The following DGKB variants were observed in gnomAD, a reference collection of about 807,000 sequenced individuals.
DGKB encodes the protein 90 kDa diacylglycerol kinase.
A neutral mutation model predicts 114.3 loss-of-function variants in DGKB; 67 were observed. The observed-to-expected ratio is 0.59, with a 90% CI of 0.48 to 0.72. The LOEUF (loss-of-function observed/expected upper bound fraction) is 0.72, where lower values mean the gene tolerates loss of function less well. DGKB is among the 30% of genes least tolerant of loss of function. DGKB has a pLI of 0.00. For synonymous variants in DGKB, 398 were observed against 323.1 expected (o/e 1.23, Z -2.49); for missense variants, 907 against 975.2 (o/e 0.93, Z 0.93).
chr7:14,573,504 TG>T (rs1798686130), intron 20 of DGKB, among the ~76,000 whole-genome samples: 2 of 146,204 alleles, frequency 1.4e-5, no homozygotes, highest in African/African-American at 5.2e-5. Context: ...TGTGTGTGTG[TG>T]TATGAGATGT....
At position 14,962,287 on chromosome 7, in the gene DGKB, GTATC is replaced by G. The variant is rs371991708; in HGVS notation, c.-188+12405_-188+12408del. Among the ~76,000 whole-genome samples the G allele has an allele frequency of 4.6e-3, 695 of 152,210 alleles. 6 individuals carry two copies. The highest frequency in any genetic ancestry group is 0.016 in the African/African-American group (669 of 41,564). ...GGTAATTTTCAGTGTGAGAATGGCT[GTATC>G]TATTTGCATTTTTTACTTCAGCAAC... On this transcript the variant is annotated intron_variant, in intron 1 of 4. Transcript: ENST00000437998.
At chr7:14,588,810 C>T (rs6951414) in intron 17 of DGKB, among the ~76,000 whole-genome samples, 75,260 of 151,814 alleles carry the variant, frequency 0.5, 18,815 homozygotes, top group African/African-American at 0.54. Flanking sequence ...GCAATTACTA[C>T]AGCTTTCCAG....
At chr7:14,897,477 A>G (rs971097933) in intron 1 of DGKB, among the ~76,000 whole-genome samples, 1 of 151,866 alleles carries the variant, frequency 6.6e-6, no homozygotes, top group African/African-American at 2.4e-5. Flanking sequence ...TTTAAGAAAC[A>G]ATTAAAAATC....
At chr7:14,654,311 A>G (rs1465002039) in intron 13 of DGKB, among the ~76,000 whole-genome samples, 1 of 152,084 alleles carries the variant, frequency 6.6e-6, no homozygotes, top group African/African-American at 2.4e-5. Flanking sequence ...ATAATAAAAT[A>G]CTTAGGAATA....
In DGKB at chr7:14,388,200, C is replaced by A. The variant is rs1190970496; in HGVS notation, c.1836-42809G>T. Among the ~76,000 whole-genome samples the A allele has an allele frequency of 7.0e-5, 10 of 142,156 alleles. No individual in the cohort carries two copies. In the East Asian group the frequency reaches 8.1e-4, roughly 12 times the overall value. 93.3% of individuals were successfully genotyped at this position (142,156 alleles called of 152,430 possible). On this transcript the variant is annotated intron_variant, in intron 21 of 25. Coordinates refer to ENST00000402815, the MANE Select transcript of DGKB (RefSeq NM_001350709.2). ...TCTCACTGCTAGAAAATGGTGGTGC[C>A]ATAATTTGGAAAAAAAAAAAAATCT...
At chr7:14,710,929 T>C (rs1827254433) in intron 6 of DGKB, among the ~76,000 whole-genome samples, 1 of 152,036 alleles carries the variant, frequency 6.6e-6, no homozygotes. Context: ...TCCTTTCTGC[T>C]TGTTATCTGG....
chr7:14,826,059 G>A (rs1845667508), intron 2 of DGKB, among the ~76,000 whole-genome samples: 1 of 152,114 alleles, frequency 6.6e-6, no homozygotes, highest in African/African-American at 2.4e-5. Context: ...ATTTGATTTT[G>A]CCTACATCGC....
intron 23 of DGKB, among the ~76,000 whole-genome samples, chr7:14,287,877 G>A (rs1801123180): frequency 6.6e-6 from 1 of 152,148 alleles, no homozygotes; most frequent in Non-Finnish European, 1.5e-5. Flanking sequence ...AGAAGTCATT[G>A]TGAAGTTTAT....
At chr7:14,500,470 C>A (rs1461678375) in intron 20 of DGKB, among the ~76,000 whole-genome samples, 2 of 141,520 alleles carry the variant, frequency 1.4e-5, no homozygotes, top group South Asian at 2.1e-4. Flanking sequence ...TAAAAAGTTT[C>A]TTTATTTTTT....
intron 21 of DGKB, among the ~76,000 whole-genome samples, chr7:14,470,850 G>A (rs1347535998): frequency 1.3e-5 from 2 of 151,552 alleles, no homozygotes; most frequent in Admixed American, 6.6e-5. Context: ...TCATCATGAT[G>A]TAAGACAATT....
At chr7:14,454,602 T>C (rs192608350) in intron 21 of DGKB, among the ~76,000 whole-genome samples, 139 of 152,232 alleles carry the variant, frequency 9.1e-4, no homozygotes, top group African/African-American at 3.2e-3. Flanking sequence ...TCATATATGA[T>C]TGCTATCAGA....
At chr7:14,912,105 G>C (rs1018690119) in intron 1 of DGKB, among the ~76,000 whole-genome samples, 1 of 152,002 alleles carries the variant, frequency 6.6e-6, no homozygotes, top group Non-Finnish European at 1.5e-5. Context: ...ATAAATAGAG[G>C]CAACTTTGTT....
chr7:14,974,189 A>C (rs1587487894), intron 1 of DGKB, among the ~76,000 whole-genome samples: 2 of 151,990 alleles, frequency 1.3e-5, no homozygotes, highest in Admixed American at 1.3e-4. Context: ...TAAATAACCC[A>C]AAAATACTGG....
chr7:14,623,646 T>C (rs1808047642), intron 14 of DGKB, among the ~76,000 whole-genome samples: 1 of 152,174 alleles, frequency 6.6e-6, no homozygotes, highest in Admixed American at 6.6e-5. Context: ...GAATATATTT[T>C]GTGTGTGGCT....
intron 1 of DGKB, among the ~76,000 whole-genome samples, chr7:14,971,714 A>T (rs753836367): frequency 6.6e-6 from 1 of 152,140 alleles, no homozygotes; most frequent in South Asian, 2.1e-4. Flanking sequence ...ATTTTTTTCA[A>T]AAAGTCACAG....
intron 25 of DGKB, among the ~76,000 whole-genome samples, chr7:14,173,834 C>A: frequency 6.6e-6 from 1 of 152,066 alleles, no homozygotes; most frequent in East Asian, 1.9e-4. Context: ...TCTTGGCCTA[C>A]TGTAAGCTGC....
chr7:14,786,160 A>ACG (rs1839867559), intron 2 of DGKB, among the ~76,000 whole-genome samples: 2 of 151,022 alleles, frequency 1.3e-5, no homozygotes, highest in African/African-American at 2.5e-5. Context: ...ACACACACAC[A>ACG]CACGCACACA....
intron 9 of DGKB, 54 bp downstream of exon 9, chr7:14,694,021 T>TAG: frequency 6.5e-7 from 1 of 1,541,534 alleles, no homozygotes; most frequent in South Asian, 1.2e-5. Flanking sequence ...AAATGTGTAA[T>TAG]AGAGAGCCCC....
chr7:14,419,868 G>A (rs1385846415), intron 21 of DGKB, among the ~76,000 whole-genome samples: 4 of 151,992 alleles, frequency 2.6e-5, no homozygotes, highest in Non-Finnish European at 5.9e-5. Context: ...ATGGTCCATG[G>A]ATTTCCAAAG....
Sources: allele counts gnomAD v4.1 joint callset (sites outside exome capture counted in the v4.1 genomes callset), GRCh38; gene constraint gnomAD v4.1.1; transcripts MANE v1.5; gene names NCBI Gene and HGNC (gene_info 2026-07-23, HGNC 2026-07-21).